The following PON2 variants were observed in gnomAD, a reference collection of about 807,000 sequenced individuals.
PON2 encodes serum paraoxonase/arylesterase 2.
Under a neutral mutation model 36.6 loss-of-function variants are expected in PON2, and 27 were observed. That is an observed-to-expected ratio of 0.74 (90% CI 0.54 to 1.02). The LOEUF is 1.02. Ranked by LOEUF, PON2 falls within the 50% of genes least tolerant of loss-of-function variation. PON2 has a pLI of 0.00. For synonymous variants in PON2, 149 were observed against 156.3 expected (o/e 0.95, Z 0.35); for missense variants, 363 against 421.1 (o/e 0.86, Z 1.21).
intron 3 of PON2, among the ~76,000 whole-genome samples, chr7:95,413,776 T>C (rs1788996045): frequency 6.6e-6 from 1 of 152,212 alleles, no homozygotes; most frequent in African/African-American, 2.4e-5. Context: ...ACTTTATGTA[T>C]AAAATTGGAC....
Position 95,416,246 on chromosome 7 carries a change from C to T in PON2, c.197G>A (p.Ser66Asn). The T allele has an allele frequency of 6.2e-7, 1 of 1,612,620 alleles. No homozygotes were observed. The highest frequency in any genetic ancestry group is 8.5e-7 in the Non-Finnish European group (1 of 1,178,674). Residue 66 changes from serine (S) to asparagine (N), a missense_variant, in exon 3 of 9, where the codon AGT becomes AAT. Coordinates refer to ENST00000222572, the MANE Select transcript of PON2 (RefSeq NM_000305.3). ...GGGAAGGAAGAAGACACTCACCACA[C>T]TAAAAAAAGCCAGACCATTGGGAAG... is the stretch of plus-strand genomic sequence containing the variant. ...DILPNGLAFFSVGLKFPGLHS... is the reference protein window; with the variant it reads ...DILPNGLAFFNVGLKFPGLHS...
intron 8 of PON2, 120 bp downstream of exon 8, chr7:95,405,999 A>G: frequency 8.3e-7 from 1 of 1,201,204 alleles, no homozygotes; most frequent in Non-Finnish European, 1.2e-6. Flanking sequence ...AAACCACGAC[A>G]TAAGCTTATT....
chr7:95,434,838 T>C, intron 1 of PON2, 40 bp downstream of exon 1: 1 of 1,531,556 alleles, frequency 6.5e-7, no homozygotes, highest in Non-Finnish European at 8.8e-7. Flanking sequence ...ACCCCGAGCC[T>C]GGGGACCGCC....
At chr7:95,429,181 C>T (rs1220331833) in intron 1 of PON2, among the ~76,000 whole-genome samples, 1 of 150,042 alleles carries the variant, frequency 6.7e-6, no homozygotes, top group South Asian at 2.2e-4. Context: ...TATCCCTCCC[C>T]CCTCCCCCTA....
intron 1 of PON2, 140 bp downstream of exon 1, chr7:95,434,738 C>CT: frequency 1.2e-6 from 1 of 853,260 alleles, no homozygotes; most frequent in Non-Finnish European, 1.8e-6. Flanking sequence ...GGGGGAGGGA[C>CT]AGCATTCAAA....
Position 95,424,577 on chromosome 7 carries a change from A to C in PON2, c.83T>G (p.Leu28Arg). Residue 28 changes from leucine to arginine, a missense_variant, in exon 2 of 9, where the codon CTT (leucine) becomes CGT (arginine). Transcript: ENST00000222572. ...GERLLALRNR[L>R]KASREVESVD... ...AGATTCTACTTCTCTGGAGGCTTTA[A>C]GTCGATTTCTGTTACAAAGAAAAAA... 1 of 1,612,534 alleles carries C rather than the reference A, an allele frequency of 6.2e-7. No homozygotes were observed. Among genetic ancestry groups the C allele is most frequent in the South Asian group, 1.1e-5 (1 of 91,034 alleles).
chr7:95,405,305 C>A lies in PON2; in HGVS notation c.*25G>T. ...CATAGAAAATTAATTGTTAAGTTAT[C>A]GCACTTTCATGCCAAAAGTACAATT... is the stretch of plus-strand genomic sequence containing the variant. On this transcript the variant is annotated 3_prime_UTR_variant, in exon 9 of 9. Transcript: ENST00000222572. 6.2e-7 allele frequency: 1 copy of A among 1,609,444 alleles called. No individual in the cohort carries two copies. Among genetic ancestry groups the A allele is most frequent in the South Asian group, 1.1e-5 (1 of 90,942 alleles).
At chr7:95,432,083 T>C (rs970750404) in intron 1 of PON2, among the ~76,000 whole-genome samples, 5 of 152,078 alleles carry the variant, frequency 3.3e-5, no homozygotes, top group African/African-American at 1.2e-4. Flanking sequence ...CCCATTAAAG[T>C]GCATCACAGT....
At chr7:95,430,394 G>A (rs569227826) in intron 1 of PON2, among the ~76,000 whole-genome samples, 44 of 151,498 alleles carry the variant, frequency 2.9e-4, no homozygotes, top group African/African-American at 9.9e-4. Flanking sequence ...TCCGCCTCCC[G>A]GGTTCAAGTG....
intron 1 of PON2, 43 bp from the exon 2 acceptor site, chr7:95,424,628 TTATG>T (rs780822102): frequency 2.0e-6 from 3 of 1,489,798 alleles, no homozygotes; most frequent in Non-Finnish European, 2.8e-6. Flanking sequence ...AACTATTTGT[TTATG>T]TATTCCCTGC....
At position 95,405,050 on chromosome 7, in the gene PON2, T is replaced by C. The variant is rs2116444624; in HGVS notation, c.*280A>G. The stretch of plus-strand genomic sequence containing the variant: ...TTCAGTGGAATCCATGTTCTGGCAG[T>C]TGGAAGGCAAAGGTGAGGCTTACTT... On this transcript the variant is annotated 3_prime_UTR_variant, in exon 9 of 9. Transcript: ENST00000222572. 1 of 355,748 alleles carries C rather than the reference T, an allele frequency of 2.8e-6. No individual in the cohort carries two copies. Among genetic ancestry groups the C allele is most frequent in the Middle Eastern group, 8.6e-4 (1 of 1,164 alleles). 22.0% of individuals were successfully genotyped at this position (355,748 alleles called of 1,614,324 possible). A position where few individuals can be genotyped will look rare whatever the true frequency, so the allele number is the denominator to read the frequency against.
chr7:95,417,508 G>A (rs928593588), intron 2 of PON2, among the ~76,000 whole-genome samples: 4 of 151,966 alleles, frequency 2.6e-5, no homozygotes, highest in Non-Finnish European at 4.4e-5. Context: ...AGATGAGAAC[G>A]TTTCTGTAAA....
chr7:95,406,350 C>T (rs1223875542), intron 7 of PON2, 103 bp from the exon 8 acceptor site: 4 of 1,282,272 alleles, frequency 3.1e-6, no homozygotes, highest in East Asian at 4.7e-5. Context: ...AATTACACAT[C>T]GCCCTGCTTC....
Position 95,405,439 on chromosome 7 carries a change from A to C in PON2, c.956T>G (p.Val319Gly). Residue 319 changes from valine (V) to glycine (G), a missense_variant, in exon 9 of 9, where the codon GTT becomes GGT. Coordinates refer to ENST00000222572, the MANE Select transcript of PON2 (RefSeq NM_000305.3). The part of the protein sequence containing the change: ...ILSEKPTVTT[V>G]YANNGSVLQG... Reference sequence around the variant, plus strand: ...GAGAACAGACCCATTGTTGGCATAAACTGTAGTCACTGTAGGCTTCTCAGA... The same window carrying C: ...GAGAACAGACCCATTGTTGGCATAACCTGTAGTCACTGTAGGCTTCTCAGA... 6.2e-7 allele frequency: 1 copy of C among 1,613,516 alleles called. No individual in the cohort carries two copies. The highest frequency in any genetic ancestry group is 8.5e-7 in the Non-Finnish European group (1 of 1,179,486).
chr7:95,411,350 T>C (rs1317983934), intron 5 of PON2, among the ~76,000 whole-genome samples: 2 of 152,180 alleles, frequency 1.3e-5, no homozygotes, highest in African/African-American at 4.8e-5. Flanking sequence ...AGGGTTTGCC[T>C]TCTACCCTCA....
Position 95,407,024 on chromosome 7 carries a change from A to G in PON2, c.740T>C (p.Leu247Ser). ...ADILAHEIHV[L>S]EKHTNMNLTQ... ...TAAATTCATATTAGTGTGTTTTTCCAAAACATGAATTTCATGAGCCAATAT... is the reference window on the plus strand; with the variant it reads ...TAAATTCATATTAGTGTGTTTTTCCGAAACATGAATTTCATGAGCCAATAT... Residue 247 changes from leucine (L) to serine (S), a missense_variant, in exon 7 of 9, where the codon TTG becomes TCG. Physicochemically the swap from Leu to Ser is moderately radical, Grantham distance 145. Coordinates refer to ENST00000222572, the MANE Select transcript of PON2 (RefSeq NM_000305.3). 2 of 1,595,904 alleles carry G rather than the reference A, an allele frequency of 1.3e-6. No homozygotes were observed. Among genetic ancestry groups the G allele is most frequent in the Non-Finnish European group, 1.7e-6 (2 of 1,164,028 alleles).
chr7:95,412,326 G>A lies in PON2; in HGVS notation c.353C>T (p.Thr118Ile), dbSNP rs1454416494. ...LASFNPHGISTFIDNDDTVYL... is the reference protein window; with the variant it reads ...LASFNPHGISIFIDNDDTVYL... The stretch of plus-strand genomic sequence containing the variant: ...TTGGCTCTTACCGTTGTCTATGAAA[G>A]TGCTGATGCCATGTGGATTGAATGA... The change falls in exon 4 of 9, where the codon ACT (threonine) becomes ATT (isoleucine). Residue 118 changes from threonine to isoleucine, a missense_variant. Coordinates refer to ENST00000222572, the MANE Select transcript of PON2 (RefSeq NM_000305.3). The A allele has an allele frequency of 6.2e-7, 1 of 1,614,018 alleles. No homozygotes were observed. Among genetic ancestry groups the A allele is most frequent in the East Asian group, 2.2e-5 (1 of 44,890 alleles).
intron 1 of PON2, among the ~76,000 whole-genome samples, chr7:95,429,700 T>C (rs1388348187): frequency 6.6e-6 from 1 of 152,240 alleles, no homozygotes; most frequent in East Asian, 1.9e-4. Context: ...CTTTGTGCCA[T>C]ACTTCTCTGC....
At position 95,411,718 on chromosome 7, in the gene PON2, A is replaced by G. The variant is rs1788929779; in HGVS notation, c.429T>C (p.Phe143=). Residue 143 remains phenylalanine, a synonymous_variant, in exon 5 of 9, where the codon TTT becomes TTC. Coordinates refer to ENST00000222572, the MANE Select transcript of PON2 (RefSeq NM_000305.3). ...HPEFKNTVEI[F]KFEEAENSLL... ...GAGAATTTTCTGCTTCTTCAAATTT[A>G]AAAATTTCCACTGTATTCTTGAATT... The G allele has an allele frequency of 6.2e-7, 1 of 1,613,624 alleles. No individual in the cohort carries two copies. Among genetic ancestry groups the G allele is most frequent in the Admixed American group, 1.7e-5 (1 of 59,992 alleles).
Sources: allele counts gnomAD v4.1 joint callset (sites outside exome capture counted in the v4.1 genomes callset), GRCh38; gene constraint gnomAD v4.1.1; transcripts MANE v1.5; gene names NCBI Gene and HGNC (gene_info 2026-07-23, HGNC 2026-07-21).